Variants in KCNMA1 observed in about 807,000 individuals in gnomAD.
KCNMA1 encodes the protein potassium calcium-activated channel subfamily M alpha 1.
Under a neutral mutation model 140.0 loss-of-function variants are expected in KCNMA1, and 29 were observed. That is an observed-to-expected ratio of 0.21 (90% CI 0.15 to 0.28). The LOEUF (loss-of-function observed/expected upper bound fraction) is 0.28, where lower values mean the gene tolerates loss of function less well. Ranked by LOEUF, KCNMA1 falls within the 10% of genes least tolerant of loss-of-function variation. The pLI, the probability that KCNMA1 is intolerant of heterozygous loss-of-function variation, is 1.00. For synonymous variants in KCNMA1, 612 were observed against 611.9 expected (o/e 1.00, Z 0.00); for missense variants, 880 against 1,602.2 (o/e 0.55, Z 7.70).
chr10:77,535,642 A>G (rs1032649122), intron 1 of KCNMA1, among the ~76,000 whole-genome samples: 2 of 152,240 alleles, frequency 1.3e-5, no homozygotes, highest in Admixed American at 1.3e-4. Flanking sequence ...AATCAACCTG[A>G]GTGTCCATCA....
intron 1 of KCNMA1, among the ~76,000 whole-genome samples, chr10:77,528,991 C>T (rs1004900696): frequency 2.4e-4 from 36 of 152,086 alleles, no homozygotes; most frequent in African/African-American, 5.5e-4. Flanking sequence ...CAGTGCTGGA[C>T]GGTTCTGGAA....
intron 1 of KCNMA1, among the ~76,000 whole-genome samples, chr10:77,425,609 T>C (rs1004064511): frequency 6.6e-6 from 1 of 152,148 alleles, no homozygotes; most frequent in Non-Finnish European, 1.5e-5. Context: ...GTCTCCCTGG[T>C]GCGGCAATGT....
At chr10:77,401,667 A>G (rs1239126824) in intron 2 of KCNMA1, among the ~76,000 whole-genome samples, 1 of 152,252 alleles carries the variant, frequency 6.6e-6, no homozygotes, top group Non-Finnish European at 1.5e-5. Flanking sequence ...CTTATTAAGT[A>G]TTCTTCACAA....
chr10:77,077,869 C>T (rs1481924432), intron 13 of KCNMA1: 1 of 152,220 alleles, frequency 6.6e-6, no homozygotes, highest in African/African-American at 2.4e-5. Flanking sequence ...CTTGGGTTTT[C>T]CAGAGACAAA....
chr10:77,017,708 A>G (rs1350079538), intron 17 of KCNMA1, among the ~76,000 whole-genome samples: 1 of 152,206 alleles, frequency 6.6e-6, no homozygotes, highest in Non-Finnish European at 1.5e-5. Context: ...TTCTGTGCTC[A>G]GCGTATCAGG....
chr10:77,507,313 T>C (rs2154547308), intron 1 of KCNMA1, among the ~76,000 whole-genome samples: 1 of 152,314 alleles, frequency 6.6e-6, no homozygotes, highest in Non-Finnish European at 1.5e-5. Flanking sequence ...AAATGTTGTA[T>C]TGCGTACAAT....
intron 19 of KCNMA1, among the ~76,000 whole-genome samples, chr10:76,987,813 T>G (rs2081686501): frequency 6.6e-6 from 1 of 152,222 alleles, no homozygotes. Context: ...GCAAAGGCTT[T>G]GAATGCCATT....
intron 25 of KCNMA1, among the ~76,000 whole-genome samples, chr10:76,892,241 T>C (rs1479162015): frequency 1.3e-5 from 2 of 152,164 alleles, no homozygotes; most frequent in Non-Finnish European, 2.9e-5. Context: ...AACTCAGAAA[T>C]CTCGATCAAT....
At chr10:77,158,742 G>C (rs2098519915) in intron 5 of KCNMA1, among the ~76,000 whole-genome samples, 1 of 152,164 alleles carries the variant, frequency 6.6e-6, no homozygotes, top group African/African-American at 2.4e-5. Flanking sequence ...TAAGGCATGA[G>C]TCAAGGTCAA....
At chr10:77,105,393 T>C (rs988541160) in intron 9 of KCNMA1, among the ~76,000 whole-genome samples, 3 of 152,228 alleles carry the variant, frequency 2.0e-5, no homozygotes, top group African/African-American at 7.2e-5. Context: ...AAAACCCTGA[T>C]CTTCTCTGCC....
chr10:77,637,486 A>G lies in KCNMA1; in HGVS notation c.157T>C (p.Ser53Pro). 6.2e-7 allele frequency: 1 copy of G among 1,603,042 alleles called. No individual in the cohort carries two copies. Among genetic ancestry groups the G allele is most frequent in the Non-Finnish European group, 8.5e-7 (1 of 1,173,550 alleles). The change falls in exon 1 of 28, where the codon TCC becomes CCC. Residue 53 changes from serine to proline, a missense_variant. Ser to Pro is a moderately conservative substitution (Grantham distance 74). Transcript: ENST00000286628. The part of the protein sequence containing the change: ...SSSSSSSSSS[S>P]SSSSSSSVHE... ...ACCGAGGACGAGGAGGAAGAGGAGG[A>G]GGAAGAAGAAGAAGAGGAAGAGGAG...
chr10:77,423,607 C>T (rs2154488110), intron 1 of KCNMA1, among the ~76,000 whole-genome samples: 1 of 152,266 alleles, frequency 6.6e-6, no homozygotes, highest in Non-Finnish European at 1.5e-5. Flanking sequence ...TATTCTGAAG[C>T]TCTGAGGCCA....
rs79842759 is a variant in KCNMA1 at position 77,236,607 on chromosome 10, C to T, written c.602+14588G>A. Among the ~76,000 whole-genome samples, 923 of 152,286 alleles carry T rather than the reference C, an allele frequency of 6.1e-3. 1 individual carries two copies. Among genetic ancestry groups the T allele is most frequent in the Non-Finnish European group, 9.6e-3 (655 of 68,024 alleles). ...ACTAAAAGCTAGTGTTTCTTAAACG[C>T]TTTTTAGCAAATTCCACAGTAAGAA... On this transcript the variant is annotated intron_variant, in intron 3 of 27. Transcript: ENST00000286628.
intron 19 of KCNMA1, among the ~76,000 whole-genome samples, chr10:76,983,820 C>A (rs779669097): frequency 4.0e-5 from 6 of 151,738 alleles, no homozygotes; most frequent in Non-Finnish European, 7.4e-5. Flanking sequence ...CCTTCTGTAA[C>A]CTCAATAAAT....
intron 1 of KCNMA1, among the ~76,000 whole-genome samples, chr10:77,560,543 C>T (rs1414187577): frequency 6.6e-6 from 1 of 152,202 alleles, no homozygotes; most frequent in South Asian, 2.1e-4. Context: ...TCAGTCCATG[C>T]AGCCTGCGGA....
intron 1 of KCNMA1, among the ~76,000 whole-genome samples, chr10:77,460,251 C>T (rs2097840925): frequency 6.6e-6 from 1 of 152,154 alleles, no homozygotes. Context: ...TCAGATTCTT[C>T]CTGTATTATT....
intron 1 of KCNMA1, among the ~76,000 whole-genome samples, chr10:77,499,896 T>C (rs1249462502): frequency 2.0e-5 from 3 of 152,056 alleles, no homozygotes; most frequent in Non-Finnish European, 2.9e-5. Context: ...TAATAATAAG[T>C]AGAAGTTTTA....
chr10:77,579,987 C>T (rs548850633), intron 1 of KCNMA1, among the ~76,000 whole-genome samples: 1 of 152,298 alleles, frequency 6.6e-6, no homozygotes, highest in South Asian at 2.1e-4. Flanking sequence ...ACTTTCCCTC[C>T]CCACACATAT....
chr10:77,508,894 A>C (rs2047264094), intron 1 of KCNMA1, among the ~76,000 whole-genome samples: 1 of 152,150 alleles, frequency 6.6e-6, no homozygotes, highest in Admixed American at 6.5e-5. Flanking sequence ...GTGGAATCAC[A>C]CAGTATTGTG....
Sources: gnomAD v4.1 joint callset for allele counts (sites outside exome capture counted in the v4.1 genomes callset) on GRCh38, gnomAD v4.1.1 for gene constraint, MANE v1.5 for transcripts, NCBI Gene and HGNC (gene_info 2026-07-23, HGNC 2026-07-21) for gene names.